GALNT13: variants seen among roughly 807,000 people sequenced by gnomAD.
GALNT13 encodes polypeptide N-acetylgalactosaminyltransferase 13.
A neutral mutation model predicts 64.2 loss-of-function variants in GALNT13; 28 were observed. The ratio of observed to expected loss-of-function variants is 0.44; its 90% CI spans 0.32 to 0.60. GALNT13 has a LOEUF of 0.60. GALNT13 is among the 20% of genes least tolerant of loss of function. GALNT13 has a pLI of 0.05. For synonymous variants in GALNT13, 214 were observed against 224.6 expected, an observed-to-expected ratio of 0.95 and a Z score of 0.42; for missense variants, 577 against 669.8, an observed-to-expected ratio of 0.86 and a Z score of 1.53.
intron 8 of GALNT13, among the ~76,000 whole-genome samples, chr2:154,283,451 T>G (rs909378507): frequency 8.6e-5 from 13 of 152,038 alleles, no homozygotes; most frequent in African/African-American, 3.1e-4. Flanking sequence ...GAGCTAAACT[T>G]TTTTTAGACT....
intron 9 of GALNT13, among the ~76,000 whole-genome samples, chr2:154,368,055 C>T (rs1024710505): frequency 2.0e-5 from 3 of 151,892 alleles, no homozygotes; most frequent in South Asian, 2.1e-4. Context: ...GGGCCAACAG[C>T]GGACATTGAA....
chr2:154,355,071 C>A (rs1263831956), intron 9 of GALNT13, among the ~76,000 whole-genome samples: 1 of 152,026 alleles, frequency 6.6e-6, no homozygotes, highest in East Asian at 1.9e-4. Context: ...TTTGGCCTTA[C>A]AAATGACCTT....
At chr2:153,999,578 A>G (rs1695759623) in intron 3 of GALNT13, among the ~76,000 whole-genome samples, 1 of 151,916 alleles carries the variant, frequency 6.6e-6, no homozygotes, top group South Asian at 2.1e-4. Context: ...CACATGTATG[A>G]TTCTTCTGTC....
intron 3 of GALNT13, among the ~76,000 whole-genome samples, chr2:154,021,843 A>G (rs907776540): frequency 4.0e-5 from 6 of 149,802 alleles, no homozygotes; most frequent in African/African-American, 1.2e-4. Flanking sequence ...TGGATTTGTC[A>G]TAGATAGCTC....
chr2:153,426,956 G>A, the GALNT13 span, among the ~76,000 whole-genome samples: 2 of 151,742 alleles, frequency 1.3e-5, no homozygotes, highest in African/African-American at 2.4e-5. Context: ...ACACATTTTT[G>A]CCTTTTCTGT....
chr2:153,331,948 A>G, the GALNT13 span, among the ~76,000 whole-genome samples: 1 of 152,080 alleles, frequency 6.6e-6, no homozygotes, highest in East Asian at 1.9e-4. Context: ...CTAAATTTTT[A>G]TAGTTTGTGT....
chr2:153,992,667 C>G (rs1190937017), intron 3 of GALNT13, among the ~76,000 whole-genome samples: 1 of 152,018 alleles, frequency 6.6e-6, no homozygotes, highest in Non-Finnish European at 1.5e-5. Flanking sequence ...CTAGTAATTT[C>G]TAAACAACAA....
At chr2:154,071,418 T>C (rs914258013) in intron 3 of GALNT13, among the ~76,000 whole-genome samples, 3 of 152,188 alleles carry the variant, frequency 2.0e-5, no homozygotes, top group Non-Finnish European at 4.4e-5. Context: ...ACCTTAAATG[T>C]AGGAAATTTG....
At chr2:153,860,224 A>G in the GALNT13 span, among the ~76,000 whole-genome samples, 1 of 152,256 alleles carries the variant, frequency 6.6e-6, no homozygotes, top group African/African-American at 2.4e-5. Flanking sequence ...TGTAAAGAAG[A>G]ATTCTGAATT....
At chr2:153,948,261 A>G (rs1401780391) in intron 3 of GALNT13, among the ~76,000 whole-genome samples, 3 of 151,642 alleles carry the variant, frequency 2.0e-5, no homozygotes, top group East Asian at 3.9e-4. Context: ...AAAGCTCAAC[A>G]TGACTGATTA....
At chr2:153,785,310 C>T in the GALNT13 span, among the ~76,000 whole-genome samples, 1 of 152,152 alleles carries the variant, frequency 6.6e-6, no homozygotes, top group Non-Finnish European at 1.5e-5. Flanking sequence ...TCCCCAACCA[C>T]CCTGGGCAGT....
intron 3 of GALNT13, among the ~76,000 whole-genome samples, chr2:153,976,156 G>A (rs905414706): frequency 2.0e-5 from 3 of 152,048 alleles, no homozygotes; most frequent in Non-Finnish European, 2.9e-5. Flanking sequence ...ACAACCTGTA[G>A]AGGATATGTT....
At chr2:154,265,940 A>G (rs1056860252) in intron 8 of GALNT13, among the ~76,000 whole-genome samples, 13 of 152,248 alleles carry the variant, frequency 8.5e-5, no homozygotes, top group African/African-American at 3.1e-4. Context: ...TCATTGCAGA[A>G]ATGCAAGGTT....
intron 3 of GALNT13, among the ~76,000 whole-genome samples, chr2:153,968,305 C>T (rs1056639951): frequency 2.0e-5 from 3 of 152,172 alleles, no homozygotes; most frequent in African/African-American, 4.8e-5. Context: ...CTAAGTACTC[C>T]GTCTGTGAGC....
At chr2:154,140,993 C>T (rs1309974390) in intron 4 of GALNT13, among the ~76,000 whole-genome samples, 1 of 152,116 alleles carries the variant, frequency 6.6e-6, no homozygotes, top group African/African-American at 2.4e-5. Context: ...TAGGCTGTAA[C>T]TCTGTACAGC....
At chr2:154,143,860 C>CAAAAAAA (rs34582475) in intron 4 of GALNT13, among the ~76,000 whole-genome samples, 1 of 58,912 alleles carries the variant, frequency 1.7e-5, no homozygotes, top group Non-Finnish European at 2.7e-5. Flanking sequence ...GACTCTGTCT[C>CAAAAAAA]AAAAAAAAAA....
rs191286369 is a variant in GALNT13, at chr2:153,936,814, G to T, written c.-104-7580G>T. 9.4e-4 allele frequency among the ~76,000 whole-genome samples: 143 copies of T among 151,506 alleles called. 1 individual carries two copies. The highest frequency in any genetic ancestry group is 4.1e-4 in the Non-Finnish European group (28 of 67,950). On this transcript the variant is annotated intron_variant, in intron 2 of 12. Transcript: ENST00000392825. ...TGGCTCACTGCCATCTCCACCTCCCGGGTTCAAGTGATTCTCCTGCCTCAG... is the reference window on the plus strand; with the variant it reads ...TGGCTCACTGCCATCTCCACCTCCCTGGTTCAAGTGATTCTCCTGCCTCAG...
chr2:154,396,563 T>C (rs1186957174), intron 10 of GALNT13, among the ~76,000 whole-genome samples: 1 of 152,198 alleles, frequency 6.6e-6, no homozygotes, highest in Non-Finnish European at 1.5e-5. Context: ...AATATATTTT[T>C]TCCAAGCAAA....
chr2:154,033,001 G>T (rs1313655737), intron 3 of GALNT13, among the ~76,000 whole-genome samples: 1 of 150,638 alleles, frequency 6.6e-6, no homozygotes, highest in African/African-American at 2.4e-5. Flanking sequence ...AATAGATATT[G>T]GGTGCGAAAG....
Sources: allele counts gnomAD v4.1 joint callset (sites outside exome capture counted in the v4.1 genomes callset), GRCh38; gene constraint gnomAD v4.1.1; transcripts MANE v1.5; gene names NCBI Gene and HGNC (gene_info 2026-07-23, HGNC 2026-07-21).